TRAP1: variants seen among roughly 807,000 people sequenced by gnomAD.
TRAP1 encodes the protein heat shock protein 75 kDa, mitochondrial.
In TRAP1, 102 loss-of-function variants were observed where a neutral mutation model predicts 89.1. The observed-to-expected ratio is 1.15, with a 90% confidence interval of 0.98 to 1.35. The LOEUF (loss-of-function observed/expected upper bound fraction) is 1.35. Ranked by LOEUF, TRAP1 falls within the 40% of genes most tolerant of loss-of-function variation. TRAP1 has a pLI of 0.00. For missense variants in TRAP1, 1,256 were observed against 945.3 expected (o/e 1.33, Z -4.31); for synonymous variants, 508 against 388.0 (o/e 1.31, Z -3.64).
chr16:3,658,064 G>A lies in TRAP1; in HGVS notation c.*65C>T. On this transcript the variant is annotated 3_prime_UTR_variant, in exon 18 of 18. Coordinates refer to ENST00000246957, the MANE Select transcript of TRAP1 (RefSeq NM_016292.3). ...GGGTTAAGAAATACCTTTAAATTTA[G>A]GTAAATAAAGCTCAAGGAGGTGGGG... 6.2e-7 allele frequency: 1 copy of A among 1,608,428 alleles called. No individual in the cohort carries two copies.
At chr16:3,716,678 CTG>C (rs1391717352) in intron 1 of TRAP1, among the ~76,000 whole-genome samples, 2 of 152,228 alleles carry the variant, frequency 1.3e-5, no homozygotes, top group Admixed American at 6.5e-5. Flanking sequence ...ACGTATAACA[CTG>C]TGTACAGCCC....
intron 16 of TRAP1, 126 bp downstream of exon 16, chr16:3,661,861 A>G: frequency 7.9e-7 from 1 of 1,271,334 alleles, no homozygotes; most frequent in Non-Finnish European, 1.0e-6. Context: ...ACAGCTCCTT[A>G]TAGTTACCCA....
At chr16:3,686,599 G>T (rs577262678) in intron 3 of TRAP1, among the ~76,000 whole-genome samples, 1 of 152,196 alleles carries the variant, frequency 6.6e-6, no homozygotes, top group Non-Finnish European at 1.5e-5. Flanking sequence ...TTACAGACGT[G>T]AGCCACGGTG....
intron 11 of TRAP1, among the ~76,000 whole-genome samples, chr16:3,666,816 G>T (rs2050838498): frequency 6.6e-6 from 1 of 152,184 alleles, no homozygotes; most frequent in Non-Finnish European, 1.5e-5. Context: ...TGGGATTTTA[G>T]GGATCAGGAT....
chr16:3,685,953 G>A, intron 4 of TRAP1, 43 bp downstream of exon 4: 4 of 1,599,466 alleles, frequency 2.5e-6, no homozygotes, highest in Non-Finnish European at 3.4e-6. Context: ...TGTCCTTGCT[G>A]CATGGCCGGG....
intron 16 of TRAP1, 76 bp downstream of exon 16, chr16:3,661,911 T>C (rs1472224641): frequency 6.7e-7 from 1 of 1,492,158 alleles, no homozygotes; most frequent in Non-Finnish European, 8.9e-7. Context: ...CTGTGTCACA[T>C]TCCACAACAA....
chr16:3,666,103 A>G lies in TRAP1; in HGVS notation c.1251T>C (p.Val417=), dbSNP rs777297356. 5 of 1,612,316 alleles carry G rather than the reference A, an allele frequency of 3.1e-6. No homozygotes were observed. The East Asian group carries it at 8.9e-5, about 29-fold the overall frequency. Residue 417 remains valine, a synonymous_variant, in exon 12 of 18, where the codon GTT becomes GTC. Coordinates refer to ENST00000246957, the MANE Select transcript of TRAP1 (RefSeq NM_016292.3). ...AGAATTTGATCAGCCTCTGCTGTAAAACGTCCCGGAGTTTCCTACAGAAAA... is the reference window on the plus strand; with the variant it reads ...AGAATTTGATCAGCCTCTGCTGTAAGACGTCCCGGAGTTTCCTACAGAAAA... ...ESALIRKLRD[V]LQQRLIKFFI... is the part of the protein sequence containing the mutation.
In TRAP1 at chr16:3,690,969, A is replaced by C. The variant is rs1357050911; in HGVS notation, c.105T>G (p.Cys35Trp). ...CCAACTGGGCTGTGGTCCTCCGAGG[A>C]CACAGAATTGGTTTTCCTGAAAAGA... is the stretch of plus-strand genomic sequence containing the variant. Reference protein sequence around the residue: ...AAVPGGKPILCPRRTTAQLGP... With the variant: ...AAVPGGKPILWPRRTTAQLGP... Residue 35 changes from cysteine (C) to tryptophan (W), a missense_variant, in exon 2 of 18, where the codon TGT (cysteine) becomes TGG (tryptophan). By Grantham distance (215) the Cys-to-Trp change is radical. Coordinates refer to ENST00000246957, the MANE Select transcript of TRAP1 (RefSeq NM_016292.3). 2 of 1,527,428 alleles carry C rather than the reference A, an allele frequency of 1.3e-6. No homozygotes were observed. The highest frequency in any genetic ancestry group is 2.8e-5 in the African/African-American group (2 of 70,634). 94.6% of individuals were successfully genotyped at this position (1,527,428 alleles called of 1,614,324 possible).
chr16:3,662,334 C>A (rs867377931), intron 15 of TRAP1: 15 of 668,384 alleles, frequency 2.2e-5, no homozygotes, highest in Non-Finnish European at 3.5e-5. Context: ...ATACTGTGCC[C>A]GAGGGGCTCC....
In TRAP1 at chr16:3,690,960, C is replaced by A; in HGVS notation, c.114G>T (p.Arg38Ser). ...PGGKPILCPR[R>S]TTAQLGPRRN... is the part of the protein sequence containing the mutation. Reference sequence around the variant, plus strand: ...GCCTGGGGCCCAACTGGGCTGTGGTCCTCCGAGGACACAGAATTGGTTTTC... The same window carrying A: ...GCCTGGGGCCCAACTGGGCTGTGGTACTCCGAGGACACAGAATTGGTTTTC... The change falls in exon 2 of 18, where the codon AGG (arginine) becomes AGT (serine). Residue 38 changes from arginine to serine, a missense_variant. Transcript: ENST00000246957. 6.5e-7 allele frequency: 1 copy of A among 1,540,990 alleles called. No homozygotes were observed. The highest frequency in any genetic ancestry group is 2.2e-5 in the Admixed American group (1 of 44,868).
At chr16:3,686,307 A>T (rs1247252124) in intron 3 of TRAP1, among the ~76,000 whole-genome samples, 171 bp from the exon 4 acceptor site, 1 of 152,194 alleles carries the variant, frequency 6.6e-6, no homozygotes, top group Non-Finnish European at 1.5e-5. Context: ...CCGGTCACAA[A>T]GTGACTGAAG....
intron 1 of TRAP1, among the ~76,000 whole-genome samples, chr16:3,695,184 G>A (rs1048282971): frequency 6.6e-6 from 1 of 152,166 alleles, no homozygotes; most frequent in Non-Finnish European, 1.5e-5. Context: ...CACATTCACA[G>A]GTACTGAGAG....
intron 11 of TRAP1, among the ~76,000 whole-genome samples, chr16:3,669,619 G>C (rs1026393832): frequency 6.6e-6 from 1 of 151,202 alleles, no homozygotes; most frequent in Non-Finnish European, 1.5e-5. Flanking sequence ...CAGATCACAA[G>C]GTCAGGAGAT....
intron 7 of TRAP1, among the ~76,000 whole-genome samples, chr16:3,675,658 A>G (rs1392664647): frequency 1.3e-5 from 2 of 152,186 alleles, no homozygotes; most frequent in Non-Finnish European, 2.9e-5. Context: ...TGGCTGGAAC[A>G]TGGCTTTCTG....
At chr16:3,690,662 G>C (rs761110984) in intron 2 of TRAP1, among the ~76,000 whole-genome samples, 165 bp downstream of exon 2, 2 of 152,170 alleles carry the variant, frequency 1.3e-5, no homozygotes, top group East Asian at 3.9e-4. Flanking sequence ...GAAGTCCCTC[G>C]CTGGGACAGA....
Position 3,662,894 on chromosome 16 carries a change from G to T in TRAP1, c.1782C>A (p.Val594=). ...AWMRNVLGSR[V]TNVKVTLRLD... ...GGGAAAGCCTCACCTTCACGTTGGT[G>T]ACACGCGACCCCAGCACATTTCTCA... Residue 594 remains valine, a synonymous_variant, in exon 15 of 18, where the codon GTC becomes GTA. Coordinates refer to ENST00000246957, the MANE Select transcript of TRAP1 (RefSeq NM_016292.3). 1 of 1,613,560 alleles carries T rather than the reference G, an allele frequency of 6.2e-7. No homozygotes were observed. The highest frequency in any genetic ancestry group is 8.5e-7 in the Non-Finnish European group (1 of 1,179,996).
chr16:3,674,338 C>T lies in TRAP1; in HGVS notation c.1044+1G>A. On this transcript the variant is annotated splice_donor_variant, in intron 9 of 17. Coordinates refer to ENST00000246957, the MANE Select transcript of TRAP1 (RefSeq NM_016292.3). LOFTEE classifies it high-confidence loss of function. ...GCCGTGGGACTGCCACAGTGCCTCA[C>T]CATGTCGGGCACGTAGAAGATGCTG... The T allele has an allele frequency of 6.2e-7, 1 of 1,613,832 alleles. No homozygotes were observed. The highest frequency in any genetic ancestry group is 8.5e-7 in the Non-Finnish European group (1 of 1,179,924).
rs181659251 is a variant in TRAP1, at chr16:3,695,759, G to A, written c.89-4774C>T. ...AGGACAGCACACCATCACCAGGCTC[G>A]GGCAGGAGATGTGTCCCCTGCGGAG... On this transcript the variant is annotated intron_variant, in intron 1 of 17. Transcript: ENST00000246957. 5.3e-5 allele frequency among the ~76,000 whole-genome samples: 8 copies of A among 152,036 alleles called. No individual in the cohort carries two copies. In the East Asian group the frequency reaches 5.8e-4, roughly 11 times the overall value.
At chr16:3,689,215 A>C in intron 2 of TRAP1, 78 bp from the exon 3 acceptor site, 1 of 1,257,556 alleles carries the variant, frequency 8.0e-7, no homozygotes, top group Non-Finnish European at 1.1e-6. Flanking sequence ...CACATTCCAA[A>C]GAAAGCTTAA....
Sources: gnomAD v4.1 joint callset for allele counts (sites outside exome capture counted in the v4.1 genomes callset) on GRCh38, gnomAD v4.1.1 for gene constraint, MANE v1.5 for transcripts, NCBI Gene and HGNC (gene_info 2026-07-23, HGNC 2026-07-21) for gene names.